TRAF2: variants seen among roughly 807,000 people sequenced by gnomAD.
TRAF2 encodes TNF receptor associated factor 2.
TRAF2 carries 6 observed loss-of-function variants against 55.6 expected under a neutral mutation model. That is an observed-to-expected ratio of 0.11 (90% confidence interval 0.06 to 0.21). The LOEUF (loss-of-function observed/expected upper bound fraction) is 0.21. Ranked by LOEUF, TRAF2 falls within the 10% of genes least tolerant of loss-of-function variation. TRAF2 has a pLI of 1.00. For missense variants in TRAF2, 561 were observed against 684.5 expected, an observed-to-expected ratio of 0.82 and a Z score of 2.01; for synonymous variants, 329 against 276.3, an observed-to-expected ratio of 1.19 and a Z score of -1.89.
chr9:136,917,160 G>A (rs1014778914), intron 7 of TRAF2, among the ~76,000 whole-genome samples: 3 of 152,214 alleles, frequency 2.0e-5, no homozygotes, highest in Non-Finnish European at 2.9e-5. Flanking sequence ...CTGGGACCCA[G>A]GCTCAGGCGC....
chr9:136,916,130 T>G lies in TRAF2; in HGVS notation c.604-411T>G, dbSNP rs1196804843. ...ACTTGGCCCCTTTCTGGATTTTACG[T>G]TTTGCTTCATGTCGTGTCTGTGTCA... On this transcript the variant is annotated intron_variant, in intron 6 of 10. Transcript: ENST00000247668. Among the ~76,000 whole-genome samples, 3 of 152,144 alleles carry G rather than the reference T, an allele frequency of 2.0e-5. No homozygotes were observed. The East Asian group carries it at 5.8e-4, about 29-fold the overall frequency.
At chr9:136,891,861 A>T (rs1014948838) in intron 1 of TRAF2, among the ~76,000 whole-genome samples, 1 of 151,818 alleles carries the variant, frequency 6.6e-6, no homozygotes, top group Non-Finnish European at 1.5e-5. Context: ...AGCTGGAATT[A>T]CAGGCGTGAG....
chr9:136,911,262 G>A (rs1850098039), intron 6 of TRAF2, among the ~76,000 whole-genome samples: 1 of 115,336 alleles, frequency 8.7e-6, no homozygotes, highest in Non-Finnish European at 1.7e-5. Context: ...CATCCTTCCC[G>A]TCTTTTTTTT....
intron 1 of TRAF2, among the ~76,000 whole-genome samples, chr9:136,893,977 T>C (rs1849631445): frequency 6.6e-6 from 1 of 151,624 alleles, no homozygotes; most frequent in African/African-American, 2.4e-5. Context: ...CTCAAACTCC[T>C]GACCTCGTGA....
intron 10 of TRAF2, among the ~76,000 whole-genome samples, chr9:136,925,286 A>T (rs556505273): frequency 6.6e-6 from 1 of 152,166 alleles, no homozygotes; most frequent in Non-Finnish European, 1.5e-5. Flanking sequence ...CTCCCTGAAA[A>T]GTGCTCTTCA....
intron 5 of TRAF2, among the ~76,000 whole-genome samples, chr9:136,908,455 G>C (rs1397510849): frequency 6.6e-6 from 1 of 152,252 alleles, no homozygotes; most frequent in African/African-American, 2.4e-5. Context: ...GGGCACGGCG[G>C]CTCACGCCTG....
At chr9:136,912,794 A>T (rs765197213) in intron 6 of TRAF2, among the ~76,000 whole-genome samples, 2 of 152,140 alleles carry the variant, frequency 1.3e-5, no homozygotes, top group Non-Finnish European at 2.9e-5. Context: ...CTGAGATCGC[A>T]CCACTGCACT....
intron 1 of TRAF2, chr9:136,898,505 C>T (rs1345705231): frequency 1.1e-6 from 1 of 875,692 alleles, no homozygotes; most frequent in Non-Finnish European, 1.4e-6. Context: ...CCTCACTGAG[C>T]CTGAGTTTCC....
intron 9 of TRAF2, among the ~76,000 whole-genome samples, chr9:136,922,743 T>C (rs1588445786): frequency 2.1e-5 from 1 of 48,762 alleles, no homozygotes; most frequent in Non-Finnish European, 3.7e-5. Flanking sequence ...ACGGGGAGGA[T>C]GGGCCTGGGC....
At chr9:136,894,353 C>T (rs1296153601) in intron 1 of TRAF2, among the ~76,000 whole-genome samples, 8 of 151,438 alleles carry the variant, frequency 5.3e-5, no homozygotes, top group Non-Finnish European at 1.0e-4. Flanking sequence ...CTGGTAGTGG[C>T]CCTTTTTCAG....
At chr9:136,918,255 A>ATATATTTATTTATTTATTTATT (rs1402432355) in intron 7 of TRAF2, among the ~76,000 whole-genome samples, 1 of 23,346 alleles carries the variant, frequency 4.3e-5, no homozygotes, top group African/African-American at 2.1e-4. Flanking sequence ...ATATATATAT[A>ATATATTTATTTATTTATTTATT]TATTTATTTA....
intron 1 of TRAF2, among the ~76,000 whole-genome samples, chr9:136,887,430 T>C (rs892468847): frequency 6.6e-6 from 1 of 152,042 alleles, no homozygotes; most frequent in Non-Finnish European, 1.5e-5. Flanking sequence ...CTGGGTATTT[T>C]GGAGTTGTCA....
chr9:136,899,566 G>T, intron 2 of TRAF2, 28 bp from the exon 3 acceptor site: 1 of 1,598,508 alleles, frequency 6.3e-7, no homozygotes, highest in Non-Finnish European at 8.5e-7. Context: ...TTCACAGTGG[G>T]TTGTTTTTTG....
intron 7 of TRAF2, among the ~76,000 whole-genome samples, chr9:136,917,463 C>A (rs191750706): frequency 6.6e-6 from 1 of 152,232 alleles, no homozygotes; most frequent in African/African-American, 2.4e-5. Context: ...GTGTCTTTGT[C>A]TCTTGTCCGT....
chr9:136,904,794 G>C (rs372827475), intron 4 of TRAF2, among the ~76,000 whole-genome samples: 1 of 18,442 alleles, frequency 5.4e-5, no homozygotes. Context: ...AGTTGCTGAG[G>C]CTCCTCTTTG....
Position 136,926,456 on chromosome 9 carries a change from A to G in TRAF2, c.*555A>G. ...TCTGCACAGAGCTCTGGTCTGTGCC[A>G]CCTTGGCCAGGCTGGCTGTGGGAGA... On this transcript the variant is annotated 3_prime_UTR_variant, in exon 11 of 11. Transcript: ENST00000247668. 4.6e-6 allele frequency: 1 copy of G among 219,010 alleles called. No homozygotes were observed. Among genetic ancestry groups the G allele is most frequent in the Non-Finnish European group, 9.0e-6 (1 of 111,502 alleles). 13.6% of individuals were successfully genotyped at this position (219,010 alleles called of 1,614,324 possible).
chr9:136,909,605 G>A (rs1391834054), intron 5 of TRAF2, among the ~76,000 whole-genome samples: 2 of 152,176 alleles, frequency 1.3e-5, no homozygotes, highest in Admixed American at 6.5e-5. Context: ...CACCGGCCTC[G>A]CCTCCCAGCG....
At chr9:136,909,037 C>CAA (rs10597975) in intron 5 of TRAF2, among the ~76,000 whole-genome samples, 2 of 147,206 alleles carry the variant, frequency 1.4e-5, no homozygotes, top group Admixed American at 6.9e-5. Context: ...GACTCTGTCT[C>CAA]AAAAAAAAAA....
intron 5 of TRAF2, among the ~76,000 whole-genome samples, chr9:136,909,372 G>A (rs918417442): frequency 5.9e-5 from 9 of 152,212 alleles, no homozygotes; most frequent in African/African-American, 1.4e-4. Context: ...AAATGTCTCT[G>A]GGTCTCTCTC....
Sources: allele counts gnomAD v4.1 joint callset (sites outside exome capture counted in the v4.1 genomes callset), GRCh38; gene constraint gnomAD v4.1.1; transcripts MANE v1.5; gene names NCBI Gene and HGNC (gene_info 2026-07-23, HGNC 2026-07-21).